Variants in MICAL3 observed in about 807,000 individuals in gnomAD.
The protein encoded by MICAL3 is [F-actin]-monooxygenase MICAL3.
MICAL3 carries 62 observed loss-of-function variants against 207.4 expected under a neutral mutation model. That is an observed-to-expected ratio of 0.30 (90% CI 0.24 to 0.37). The LOEUF (loss-of-function observed/expected upper bound fraction) is 0.37. Among genes scored for constraint, MICAL3 ranks in the 10% least tolerant of loss-of-function variants. The probability of loss-of-function intolerance (pLI) is 1.00; values close to 1 mark genes in which losing one functional copy is unlikely to be tolerated. For synonymous variants in MICAL3, 1,077 were observed against 1,069.3 expected (o/e 1.01, Z -0.14); for missense variants, 2,368 against 2,635.6 (o/e 0.90, Z 2.22).
At chr22:17,909,310 G>A (rs751500171) in intron 1 of MICAL3, among the ~76,000 whole-genome samples, 7 of 152,100 alleles carry the variant, frequency 4.6e-5, no homozygotes, top group Non-Finnish European at 4.4e-5. Context: ...AATCACTTGA[G>A]GTCAGGAGTT....
At chr22:17,920,852 C>A (rs1018603388) in intron 1 of MICAL3, among the ~76,000 whole-genome samples, 2 of 152,090 alleles carry the variant, frequency 1.3e-5, no homozygotes, top group Admixed American at 6.6e-5. Flanking sequence ...CATCTGCCTA[C>A]CACAATCCTG....
In MICAL3 at chr22:17,905,479, G is replaced by T. The variant is rs377442597; in HGVS notation, c.265-640C>A. 5.3e-5 allele frequency among the ~76,000 whole-genome samples: 8 copies of T among 152,320 alleles called. No homozygotes were observed. The South Asian group carries it at 6.2e-4, about 12-fold the overall frequency. On this transcript the variant is annotated intron_variant, in intron 2 of 31. Coordinates refer to ENST00000441493, the MANE Select transcript of MICAL3 (RefSeq NM_015241.3). ...GTAGTTTGCTCTGTGTGTGCGGAAGGAAAACGTGCAATGCTTTTGGCTTTG... is the reference window on the plus strand; with the variant it reads ...GTAGTTTGCTCTGTGTGTGCGGAAGTAAAACGTGCAATGCTTTTGGCTTTG...
chr22:17,832,367 T>A (rs1193476288), intron 20 of MICAL3, among the ~76,000 whole-genome samples: 1 of 152,004 alleles, frequency 6.6e-6, no homozygotes, highest in Non-Finnish European at 1.5e-5. Context: ...CTCAGGTGGA[T>A]GGGGTAGGGA....
chr22:18,019,961 C>T (rs555592171), intron 1 of MICAL3, among the ~76,000 whole-genome samples: 36 of 151,074 alleles, frequency 2.4e-4, no homozygotes, highest in Middle Eastern at 3.4e-3. Context: ...TACAGGTGCC[C>T]GCCACCTCGC....
At chr22:17,932,450 C>G (rs1028556164) in intron 1 of MICAL3, among the ~76,000 whole-genome samples, 2 of 152,150 alleles carry the variant, frequency 1.3e-5, no homozygotes, top group African/African-American at 4.8e-5. Context: ...TACCACCAGG[C>G]CTGCCTTACA....
At chr22:17,990,100 A>G (rs746708557) in intron 1 of MICAL3, among the ~76,000 whole-genome samples, 3 of 146,064 alleles carry the variant, frequency 2.1e-5, no homozygotes, top group Non-Finnish European at 4.6e-5. Context: ...GGAGGCTTAA[A>G]GAATTGCTAA....
chr22:17,825,204 C>A (rs757994568), intron 22 of MICAL3, among the ~76,000 whole-genome samples: 1 of 151,986 alleles, frequency 6.6e-6, no homozygotes, highest in African/African-American at 2.4e-5. Flanking sequence ...TAGAGTCAGG[C>A]GGGTGAGAAG....
intron 1 of MICAL3, among the ~76,000 whole-genome samples, chr22:17,998,997 A>C (rs1922630065): frequency 6.6e-6 from 1 of 152,236 alleles, no homozygotes; most frequent in Non-Finnish European, 1.5e-5. Flanking sequence ...CGGAGAAGGC[A>C]AATGGCTGCT....
chr22:17,863,828 C>G (rs1413676650), intron 19 of MICAL3: 2 of 985,372 alleles, frequency 2.0e-6, no homozygotes, highest in Non-Finnish European at 2.4e-6. Context: ...TCTCTTGTCC[C>G]ACCATGGAAA....
At chr22:17,889,845 A>G (rs1277376313) in intron 12 of MICAL3, among the ~76,000 whole-genome samples, 1 of 152,174 alleles carries the variant, frequency 6.6e-6, no homozygotes, top group Non-Finnish European at 1.5e-5. Context: ...TATCTTTAAT[A>G]TATCTTGATC....
intron 19 of MICAL3, among the ~76,000 whole-genome samples, chr22:17,852,795 C>CG (rs1194399171): frequency 6.6e-6 from 1 of 152,138 alleles, no homozygotes; most frequent in African/African-American, 2.4e-5. Flanking sequence ...TAATGAAGGC[C>CG]GGGGCTTGGT....
At chr22:17,989,698 C>T (rs1299054989) in intron 1 of MICAL3, among the ~76,000 whole-genome samples, 1 of 152,208 alleles carries the variant, frequency 6.6e-6, no homozygotes, top group Non-Finnish European at 1.5e-5. Flanking sequence ...AAACCCCCAA[C>T]TCCTCTCACC....
intron 16 of MICAL3, chr22:17,884,354 G>A: frequency 6.3e-7 from 1 of 1,590,964 alleles, no homozygotes; most frequent in South Asian, 1.1e-5. Flanking sequence ...ACGCTCTTGT[G>A]TCAGCTGGGA....
At chr22:17,989,240 C>T (rs913979081) in intron 1 of MICAL3, among the ~76,000 whole-genome samples, 10 of 152,154 alleles carry the variant, frequency 6.6e-5, no homozygotes, top group Non-Finnish European at 1.2e-4. Context: ...GCCCTTCCTG[C>T]CTTCCACCGC....
In MICAL3 at chr22:17,968,313, G is replaced by A. The variant is rs180820709; in HGVS notation, c.-75+55968C>T. Among the ~76,000 whole-genome samples the A allele has an allele frequency of 2.0e-5, 3 of 152,250 alleles. No homozygotes were observed. In the East Asian group the frequency reaches 5.8e-4, roughly 30 times the overall value. ...GGAGAAAAGCCTAGCAACCTTGCCA[G>A]AGCTCAGACCCGCCCTACTGAGGGG... On this transcript the variant is annotated intron_variant, in intron 1 of 31. Transcript: ENST00000441493.
chr22:17,897,943 G>A (rs1049125686), intron 7 of MICAL3, among the ~76,000 whole-genome samples: 2 of 152,118 alleles, frequency 1.3e-5, no homozygotes, highest in Non-Finnish European at 2.9e-5. Context: ...TGGGGCCTAC[G>A]GTTTCTAAGT....
At chr22:17,999,389 G>C (rs147101849) in intron 1 of MICAL3, among the ~76,000 whole-genome samples, 2 of 152,170 alleles carry the variant, frequency 1.3e-5, no homozygotes, top group African/African-American at 4.8e-5. Context: ...TGGAGAGCTG[G>C]AAGTTTGAGT....
chr22:17,805,037 G>A (rs964691071), intron 29 of MICAL3, among the ~76,000 whole-genome samples: 5 of 152,230 alleles, frequency 3.3e-5, no homozygotes, highest in African/African-American at 1.2e-4. Context: ...GCAGGTCCAT[G>A]CTAGAGCGCT....
chr22:17,867,071 A>G (rs922221709), intron 17 of MICAL3, among the ~76,000 whole-genome samples: 7 of 152,236 alleles, frequency 4.6e-5, no homozygotes, highest in Non-Finnish European at 1.0e-4. Flanking sequence ...TAAAGGTAAG[A>G]TGGCATTCTT....
Sources: gnomAD v4.1 joint callset for allele counts (sites outside exome capture counted in the v4.1 genomes callset) on GRCh38, gnomAD v4.1.1 for gene constraint, MANE v1.5 for transcripts, NCBI Gene and HGNC (gene_info 2026-07-23, HGNC 2026-07-21) for gene names.